The following SEMA3D variants were observed in gnomAD, a reference collection of about 807,000 sequenced individuals.
The protein encoded by SEMA3D is semaphorin 3D.
In SEMA3D, 84 loss-of-function variants were observed where a neutral mutation model predicts 100.1. The observed-to-expected ratio is 0.84, with a 90% CI of 0.70 to 1.01. The LOEUF (loss-of-function observed/expected upper bound fraction) is 1.01. Among genes scored for constraint, SEMA3D ranks in the 50% least tolerant of loss-of-function variants. SEMA3D has a pLI of 0.00. For missense variants in SEMA3D, 875 were observed against 934.1 expected, an observed-to-expected ratio of 0.94 and a Z score of 0.82; for synonymous variants, 312 against 320.7, an observed-to-expected ratio of 0.97 and a Z score of 0.29.
At chr7:85,086,566 C>T (rs927994554) in intron 4 of SEMA3D, among the ~76,000 whole-genome samples, 15 of 151,378 alleles carry the variant, frequency 9.9e-5, no homozygotes, top group Non-Finnish European at 2.2e-4. Context: ...GTACAATATA[C>T]GCACATATAT....
the SEMA3D span, among the ~76,000 whole-genome samples, chr7:85,193,966 C>T: frequency 1.5e-3 from 224 of 151,302 alleles, no homozygotes; most frequent in Non-Finnish European, 2.3e-3. Flanking sequence ...AGACTAGGTA[C>T]TTTAAAAACC....
intron 8 of SEMA3D, among the ~76,000 whole-genome samples, chr7:85,062,669 C>T (rs1401561173): frequency 1.3e-5 from 2 of 152,156 alleles, no homozygotes; most frequent in Non-Finnish European, 2.9e-5. Context: ...TTGTAACAAC[C>T]TTAAAGCAAT....
intron 1 of SEMA3D, among the ~76,000 whole-genome samples, chr7:85,184,425 C>T (rs535503523): frequency 6.6e-5 from 10 of 151,986 alleles, no homozygotes; most frequent in East Asian, 1.9e-4. Flanking sequence ...TTAAGAATTA[C>T]GGTTCTTCAT....
At chr7:85,151,586 CATGTGTGTATGCGTGT>C in intron 2 of SEMA3D, 1 of 910,588 alleles carries the variant, frequency 1.1e-6, no homozygotes, top group East Asian at 1.4e-4. Context: ...TGTGTGTATG[CATGTGTGTATGCGTGT>C]GTGTGTGTGT....
At chr7:85,148,970 A>C (rs560750410) in intron 2 of SEMA3D, among the ~76,000 whole-genome samples, 1 of 152,230 alleles carries the variant, frequency 6.6e-6, no homozygotes, top group Non-Finnish European at 1.5e-5. Context: ...AACTTTTTAA[A>C]ATAATATTTT....
chr7:85,222,197 T>G, the SEMA3D span, among the ~76,000 whole-genome samples: 1 of 152,140 alleles, frequency 6.6e-6, no homozygotes, highest in Non-Finnish European at 1.5e-5. Flanking sequence ...AACATTTCTT[T>G]GTACGTATGT....
At chr7:85,002,919 A>G (rs1789693320) in intron 18 of SEMA3D, among the ~76,000 whole-genome samples, 1 of 152,146 alleles carries the variant, frequency 6.6e-6, no homozygotes. Flanking sequence ...TAGTTCTTTT[A>G]CAGATAATTC....
At chr7:85,239,332 C>T in the SEMA3D span, among the ~76,000 whole-genome samples, 1 of 152,128 alleles carries the variant, frequency 6.6e-6, no homozygotes, top group Non-Finnish European at 1.5e-5. Flanking sequence ...AAGGAACTAG[C>T]TTAGGCCTGT....
chr7:85,227,111 T>C, the SEMA3D span, among the ~76,000 whole-genome samples: 1 of 152,232 alleles, frequency 6.6e-6, no homozygotes, highest in Non-Finnish European at 1.5e-5. Flanking sequence ...TTATATTTTT[T>C]GCTGAATAGT....
chr7:85,107,267 A>G (rs1306899331), intron 3 of SEMA3D, among the ~76,000 whole-genome samples: 3 of 152,048 alleles, frequency 2.0e-5, no homozygotes, highest in African/African-American at 7.2e-5. Flanking sequence ...CATCTGTGAG[A>G]CTTTTCTCTA....
At chr7:85,225,081 TATATATATATATA>T in the SEMA3D span, among the ~76,000 whole-genome samples, 7 of 15,784 alleles carry the variant, frequency 4.4e-4, no homozygotes, top group Non-Finnish European at 7.3e-4. Flanking sequence ...TATATATATA[TATATATATATATA>T]TATATATATA....
chr7:85,232,109 T>G, the SEMA3D span, among the ~76,000 whole-genome samples: 1 of 151,676 alleles, frequency 6.6e-6, no homozygotes, highest in Non-Finnish European at 1.5e-5. Flanking sequence ...GAGGCAGGAG[T>G]GTTGGCTACG....
the SEMA3D span, among the ~76,000 whole-genome samples, chr7:85,236,281 T>TTTTA: frequency 0.087 from 11,444 of 131,766 alleles, 518 homozygotes; most frequent in East Asian, 0.16. Context: ...TTTTATTTTA[T>TTTTA]TTTATTTATT....
At position 85,142,999 on chromosome 7, in the gene SEMA3D, T is replaced by C. The variant is rs182961993; in HGVS notation, c.-41+10609A>G. 3.1e-6 allele frequency: 3 copies of C among 977,044 alleles called. No individual in the cohort carries two copies. In the African/African-American group the frequency reaches 5.3e-5, roughly 17 times the overall value. 60.5% of individuals were successfully genotyped at this position (977,044 alleles called of 1,614,324 possible). ...CTACCTTAGACAACTTACTAAACTT[T>C]TTTATCTTTTCAATAAATATGGCTT... On this transcript the variant is annotated intron_variant, in intron 2 of 18. Coordinates refer to ENST00000284136, the MANE Select transcript of SEMA3D (RefSeq NM_001384900.1).
Position 85,187,045 on chromosome 7 carries a change from C to T in SEMA3D, c.-540G>A, listed in dbSNP as rs1056108194. Among the ~76,000 whole-genome samples, 1 of 152,166 alleles carries T rather than the reference C, an allele frequency of 6.6e-6. No homozygotes were observed. The highest frequency in any genetic ancestry group is 1.5e-5 in the Non-Finnish European group (1 of 68,022). On this transcript the variant is annotated 5_prime_UTR_variant, in exon 1 of 19. Transcript: ENST00000284136. ...ACCGCAGCAGCTGTCCTGGGAGAGA[C>T]TCAGTCTTTCTAAAAAGAGGATGCT...
At chr7:85,083,794 C>A (rs62473401) in intron 4 of SEMA3D, among the ~76,000 whole-genome samples, 62 of 129,104 alleles carry the variant, frequency 4.8e-4, no homozygotes, top group Middle Eastern at 0.014. Flanking sequence ...TTGCAGTGAG[C>A]CGAGATCGCG....
chr7:85,082,026 G>A (rs1428610057), intron 4 of SEMA3D, among the ~76,000 whole-genome samples: 2 of 152,208 alleles, frequency 1.3e-5, no homozygotes, highest in Admixed American at 6.5e-5. Flanking sequence ...AAGGACCAGT[G>A]TGAATTTGTT....
chr7:85,183,581 T>C (rs906833051), intron 1 of SEMA3D, among the ~76,000 whole-genome samples: 2 of 152,162 alleles, frequency 1.3e-5, no homozygotes, highest in African/African-American at 2.4e-5. Context: ...AAAAGAGAGA[T>C]TACAAATTCA....
chr7:85,153,865 C>T (rs539562558), intron 1 of SEMA3D, 126 bp from the exon 2 acceptor site: 19 of 152,298 alleles, frequency 1.2e-4, no homozygotes, highest in African/African-American at 4.6e-4. Context: ...TCAAGACAGC[C>T]AGGCAAGAGG....
Sources: allele counts gnomAD v4.1 joint callset (sites outside exome capture counted in the v4.1 genomes callset), GRCh38; gene constraint gnomAD v4.1.1; transcripts MANE v1.5; gene names NCBI Gene and HGNC (gene_info 2026-07-23, HGNC 2026-07-21).